The following ARID3A variants were observed in gnomAD, a reference collection of about 807,000 sequenced individuals.
The protein encoded by ARID3A is AT-rich interaction domain 3A, also known as AT-rich interactive domain-containing protein 3A.
ARID3A carries 11 observed loss-of-function variants against 52.7 expected under a neutral mutation model. That is an observed-to-expected ratio of 0.21 (90% CI 0.13 to 0.35). The LOEUF (loss-of-function observed/expected upper bound fraction) is 0.35, where lower values mean the gene tolerates loss of function less well. Among genes scored for constraint, ARID3A ranks in the 10% least tolerant of loss-of-function variants. ARID3A has a pLI of 1.00. For missense variants in ARID3A, 721 were observed against 838.5 expected, an observed-to-expected ratio of 0.86 and a Z score of 1.73; for synonymous variants, 404 against 359.4, an observed-to-expected ratio of 1.12 and a Z score of -1.40.
At chr19:971,079 G>C (rs944663217) in intron 8 of ARID3A, among the ~76,000 whole-genome samples, 14 of 152,242 alleles carry the variant, frequency 9.2e-5, no homozygotes, top group Non-Finnish European at 1.3e-4. Flanking sequence ...CCCTGCAAGA[G>C]CTGTGTGCAC....
intron 3 of ARID3A, among the ~76,000 whole-genome samples, chr19:937,353 G>A (rs1263836291): frequency 6.6e-6 from 1 of 152,182 alleles, no homozygotes; most frequent in African/African-American, 2.4e-5. Flanking sequence ...CGTCCTCCAG[G>A]TGCATCAGCA....
intron 8 of ARID3A, chr19:968,810 G>T: frequency 4.5e-6 from 1 of 222,122 alleles, no homozygotes; most frequent in Non-Finnish European, 8.9e-6. Flanking sequence ...CAGCACACCT[G>T]GTTAATTTTT....
rs1359368713 is a variant in ARID3A at position 929,517 on chromosome 19, G to T, written c.-12G>T. 5.3e-6 allele frequency: 8 copies of T among 1,500,650 alleles called. No individual in the cohort carries two copies. Among genetic ancestry groups the T allele is most frequent in the Non-Finnish European group, 7.1e-6 (8 of 1,129,822 alleles). 93.0% of individuals were successfully genotyped at this position (1,500,650 alleles called of 1,614,324 possible). ...TGGTGGTGGTGGTGGTGGTGGCCCG[G>T]GCCGCAGGGCCATGAAACTACAGGC... On this transcript the variant is annotated 5_prime_UTR_variant, in exon 2 of 9. Transcript: ENST00000263620. The surrounding 1 kb of genome is among the most constrained non-coding windows in gnomAD (Gnocchi z 6.2).
chr19:953,972 C>T (rs948748045), intron 3 of ARID3A, among the ~76,000 whole-genome samples: 2 of 152,116 alleles, frequency 1.3e-5, no homozygotes, highest in Non-Finnish European at 2.9e-5. Context: ...GCTCAGGAGA[C>T]CGAGGTGGGA....
intron 3 of ARID3A, among the ~76,000 whole-genome samples, chr19:953,974 G>A (rs751721330): frequency 6.6e-6 from 1 of 152,196 alleles, no homozygotes; most frequent in Non-Finnish European, 1.5e-5. Flanking sequence ...TCAGGAGACC[G>A]AGGTGGGAGG....
chr19:932,407 G>A lies in ARID3A; in HGVS notation c.369-11G>A, dbSNP rs1288135311. ...CCTTCTCCCCTGACTCCTGCCCTCTGCTCACCCCAGGAAGCCCAAATGGGA... is the reference window on the plus strand; with the variant it reads ...CCTTCTCCCCTGACTCCTGCCCTCTACTCACCCCAGGAAGCCCAAATGGGA... On this transcript the variant is annotated splice_polypyrimidine_tract_variant and intron_variant, in intron 2 of 8. Coordinates refer to ENST00000263620, the MANE Select transcript of ARID3A (RefSeq NM_005224.3). The A allele has an allele frequency of 4.4e-6, 7 of 1,593,742 alleles. No homozygotes were observed. Among genetic ancestry groups the A allele is most frequent in the Non-Finnish European group, 6.0e-6 (7 of 1,174,834 alleles).
intron 2 of ARID3A, 75 bp from the exon 3 acceptor site, chr19:932,343 C>T (rs989357976): frequency 7.8e-5 from 121 of 1,558,798 alleles, no homozygotes; most frequent in East Asian, 1.2e-4. Context: ...TGAGGCTGGG[C>T]GGGGAGTGGG....
At chr19:967,591 T>C (rs2038186447) in intron 7 of ARID3A, among the ~76,000 whole-genome samples, 1 of 151,794 alleles carries the variant, frequency 6.6e-6, no homozygotes, top group Non-Finnish European at 1.5e-5. Flanking sequence ...AAGTGGAGTA[T>C]GGACAAATAC....
At chr19:971,802 C>T in intron 8 of ARID3A, 76 bp from the exon 9 acceptor site, 1 of 1,496,080 alleles carries the variant, frequency 6.7e-7, no homozygotes. Context: ...CCGGAGCACC[C>T]CATTGGGTCT....
chr19:947,435 T>C lies in ARID3A; in HGVS notation c.694-12657T>C, dbSNP rs2037710043. ...AGCACCAGGCCTGTCGCTGCCGTCC[T>C]GGACTCGTGGGCCTCAGTTTCCCCA... is the stretch of plus-strand genomic sequence containing the variant. On this transcript the variant is annotated intron_variant, in intron 3 of 8. Transcript: ENST00000263620. This position sits in a 1 kb window ranked among gnomAD's most constrained non-coding sequence, Gnocchi z 6.3. Among the ~76,000 whole-genome samples the C allele has an allele frequency of 6.6e-6, 1 of 152,176 alleles. No homozygotes were observed. Among genetic ancestry groups the C allele is most frequent in the Non-Finnish European group, 1.5e-5 (1 of 68,036 alleles).
At chr19:933,859 C>T (rs920379790) in intron 3 of ARID3A, among the ~76,000 whole-genome samples, 1 of 116,524 alleles carries the variant, frequency 8.6e-6, no homozygotes, top group Non-Finnish European at 1.8e-5. Flanking sequence ...GGGGGGGGGG[C>T]GTCTCGCTGA....
chr19:926,183 G>C (rs2037191868), intron 1 of ARID3A, 124 bp downstream of exon 1: 1 of 150,578 alleles, frequency 6.6e-6, no homozygotes, highest in Non-Finnish European at 1.5e-5. Flanking sequence ...GCCCCACTAC[G>C]AGCCGCCCTG....
chr19:930,548 C>T (rs1356489431), intron 2 of ARID3A, among the ~76,000 whole-genome samples: 3 of 143,644 alleles, frequency 2.1e-5, no homozygotes, highest in Admixed American at 7.0e-5. Flanking sequence ...TTGCTCTTTT[C>T]GCCCAGGCTG....
At position 960,565 on chromosome 19, in the gene ARID3A, G is replaced by A. The variant is rs1353267537; in HGVS notation, c.766+401G>A. 6.6e-6 allele frequency among the ~76,000 whole-genome samples: 1 copy of A among 152,062 alleles called. No homozygotes were observed. The highest frequency in any genetic ancestry group is 1.5e-5 in the Non-Finnish European group (1 of 67,990). On this transcript the variant is annotated intron_variant, in intron 4 of 8. Coordinates refer to ENST00000263620, the MANE Select transcript of ARID3A (RefSeq NM_005224.3). The surrounding 1 kb of genome is among the most constrained non-coding windows in gnomAD (Gnocchi z 4.3). The stretch of plus-strand genomic sequence containing the variant: ...ATTCGGGCTGGCCAGGTGGGTGCAG[G>A]TGCGGCAGGACAGAAGCCCCCCGCC...
Position 932,511 on chromosome 19 carries a change from GGAC to G in ARID3A, c.465_467del (p.Asp155del). On this transcript the variant is annotated inframe_deletion, in exon 3 of 9. Coordinates refer to ENST00000263620, the MANE Select transcript of ARID3A (RefSeq NM_005224.3). ...ATTACGAGGATGAGGAGGAGGAGGA[GGAC>G]GAGGAGGGGCTGGGCCCCCCAGGCC... 6.5e-7 allele frequency: 1 copy of G among 1,540,844 alleles called. No homozygotes were observed. The highest frequency in any genetic ancestry group is 8.7e-7 in the Non-Finnish European group (1 of 1,148,502).
intron 3 of ARID3A, among the ~76,000 whole-genome samples, chr19:957,109 TG>T: frequency 6.0e-5 from 1 of 16,758 alleles, no homozygotes; most frequent in Non-Finnish European, 1.4e-4. Context: ...CCCGAACCTG[TG>T]GGTGGGGGGG....
intron 3 of ARID3A, among the ~76,000 whole-genome samples, chr19:940,993 C>T (rs573083773): frequency 7.2e-5 from 11 of 152,204 alleles, no homozygotes; most frequent in African/African-American, 1.7e-4. Context: ...CTGACTCAGC[C>T]GGAAGAGCCT....
chr19:937,414 G>A (rs1243736035), intron 3 of ARID3A, among the ~76,000 whole-genome samples: 1 of 152,156 alleles, frequency 6.6e-6, no homozygotes, highest in South Asian at 2.1e-4. Context: ...GTCATACTCC[G>A]CTGGATGGAT....
rs5826711 is a variant in ARID3A, at chr19:938,930, CTTTTT to C, written c.693+6202_693+6206del. Among the ~76,000 whole-genome samples the C allele has an allele frequency of 3.5e-4, 45 of 128,174 alleles. No individual in the cohort carries two copies. The highest frequency in any genetic ancestry group is 1.4e-3 in the African/African-American group (45 of 32,866). The allele number at this position is 128,174 out of a possible 152,430, so 84.1% of individuals were successfully genotyped here. ...CACATAGATACATTATTTTATCTCTCTTTTTTTTTTTTTTTTTTGAGACGGAGTCT... is the reference window on the plus strand; with the variant it reads ...CACATAGATACATTATTTTATCTCTCTTTTTTTTTTTTTGAGACGGAGTCT... On this transcript the variant is annotated intron_variant, in intron 3 of 8. Transcript: ENST00000263620. The surrounding 1 kb of genome is among the most constrained non-coding windows in gnomAD (Gnocchi z 4.0).
Sources: gnomAD v4.1 joint callset for allele counts (sites outside exome capture counted in the v4.1 genomes callset) on GRCh38, gnomAD v4.1.1 for gene constraint, Gnocchi (gnomAD v3.1) non-coding constraint, MANE v1.5 for transcripts, NCBI Gene and HGNC (gene_info 2026-07-23, HGNC 2026-07-21) for gene names.